LRRTM4: variants seen among roughly 807,000 people sequenced by gnomAD.
LRRTM4 encodes leucine-rich repeat transmembrane neuronal protein 4.
Under a neutral mutation model 47.6 loss-of-function variants are expected in LRRTM4, and 25 were observed. The ratio of observed to expected loss-of-function variants is 0.53; its 90% CI spans 0.38 to 0.73. LRRTM4 has a LOEUF of 0.73. Ranked by LOEUF, LRRTM4 falls within the 30% of genes least tolerant of loss-of-function variation. The pLI is 0.00. For synonymous variants in LRRTM4, 311 were observed against 269.5 expected, an observed-to-expected ratio of 1.15 and a Z score of -1.51; for missense variants, 638 against 713.4, an observed-to-expected ratio of 0.89 and a Z score of 1.20.
intron 3 of LRRTM4, among the ~76,000 whole-genome samples, chr2:77,369,583 T>C (rs568280307): frequency 6.6e-6 from 1 of 151,924 alleles, no homozygotes; most frequent in African/African-American, 2.4e-5. Flanking sequence ...AATAGATATG[T>C]TAATTTGTTC....
At chr2:77,281,900 G>A (rs948865383) in intron 3 of LRRTM4, among the ~76,000 whole-genome samples, 2 of 151,716 alleles carry the variant, frequency 1.3e-5, no homozygotes, top group Admixed American at 6.6e-5. Flanking sequence ...AAAATAAGAC[G>A]CAGGTGACAA....
At chr2:76,835,384 C>A (rs545577016) in intron 3 of LRRTM4, among the ~76,000 whole-genome samples, 14 of 152,098 alleles carry the variant, frequency 9.2e-5, no homozygotes, top group South Asian at 2.1e-4. Context: ...ACAAATACAA[C>A]TTTAGTTTAT....
chr2:76,772,793 T>C (rs1673768129), intron 3 of LRRTM4: 1 of 150,964 alleles, frequency 6.6e-6, no homozygotes, highest in South Asian at 2.1e-4. Flanking sequence ...GTTGTTATAG[T>C]TGTTTTATTT....
At chr2:77,028,419 C>T (rs1678528209) in intron 3 of LRRTM4, among the ~76,000 whole-genome samples, 1 of 152,144 alleles carries the variant, frequency 6.6e-6, no homozygotes, top group African/African-American at 2.4e-5. Context: ...ACTTCATTAA[C>T]ACACTTCTGG....
chr2:76,978,212 C>T (rs1676482146), intron 3 of LRRTM4, among the ~76,000 whole-genome samples: 1 of 152,006 alleles, frequency 6.6e-6, no homozygotes, highest in Non-Finnish European at 1.5e-5. Context: ...GACAGTTCAG[C>T]ATTATATGAC....
rs149739095 is a variant in LRRTM4 at position 77,139,590 on chromosome 2, C to G, written c.1551+378728G>C. Among the ~76,000 whole-genome samples, 1,102 of 152,276 alleles carry G rather than the reference C, an allele frequency of 7.2e-3. 11 individuals carry two copies. Among genetic ancestry groups the G allele is most frequent in the African/African-American group, 0.026 (1,060 of 41,554 alleles). Reference sequence around the variant, plus strand: ...CACAAGACAGGGATGCCCTCTCTCACTACTCCTATTCAACATAGTGTTGGA... The same window carrying G: ...CACAAGACAGGGATGCCCTCTCTCAGTACTCCTATTCAACATAGTGTTGGA... On this transcript the variant is annotated intron_variant, in intron 3 of 3. Coordinates refer to ENST00000409884, the MANE Select transcript of LRRTM4 (RefSeq NM_001134745.3).
chr2:76,756,630 T>C (rs1673039698), intron 3 of LRRTM4, among the ~76,000 whole-genome samples: 1 of 152,116 alleles, frequency 6.6e-6, no homozygotes, highest in Non-Finnish European at 1.5e-5. Flanking sequence ...CCTGTAGCAG[T>C]TTTTTCTTTC....
At chr2:77,317,357 A>AT (rs1420465175) in intron 3 of LRRTM4, among the ~76,000 whole-genome samples, 1 of 152,136 alleles carries the variant, frequency 6.6e-6, no homozygotes, top group African/African-American at 2.4e-5. Context: ...CTTTTAGGCC[A>AT]TTTTATCTCT....
intron 3 of LRRTM4, among the ~76,000 whole-genome samples, chr2:76,882,243 G>A (rs1031070958): frequency 1.7e-4 from 26 of 152,006 alleles, no homozygotes; most frequent in African/African-American, 4.3e-4. Context: ...TGTGGCTTAC[G>A]TATAAAGTAC....
intron 3 of LRRTM4, among the ~76,000 whole-genome samples, chr2:77,186,923 T>C (rs1673522543): frequency 6.6e-6 from 1 of 152,138 alleles, no homozygotes; most frequent in Non-Finnish European, 1.5e-5. Flanking sequence ...TTGGTGAAGA[T>C]AAGAAAAAAT....
Position 76,951,581 on chromosome 2 carries a change from C to T in LRRTM4, c.1552-202665G>A, listed in dbSNP as rs1239294028. Among the ~76,000 whole-genome samples the T allele has an allele frequency of 3.3e-5, 5 of 152,008 alleles. No individual in the cohort carries two copies. The East Asian group carries it at 5.8e-4, about 18-fold the overall frequency. On this transcript the variant is annotated intron_variant, in intron 3 of 3. Transcript: ENST00000409884. Reference sequence around the variant, plus strand: ...CTTAAAAATTTCAAGGTTTGTTTGACTATAAGAAATTGCTGCTCAAACCTT... The same window carrying T: ...CTTAAAAATTTCAAGGTTTGTTTGATTATAAGAAATTGCTGCTCAAACCTT...
intron 3 of LRRTM4, among the ~76,000 whole-genome samples, chr2:77,407,099 G>A (rs1674221095): frequency 6.6e-6 from 1 of 152,110 alleles, no homozygotes; most frequent in African/African-American, 2.4e-5. Flanking sequence ...CTTATAATTA[G>A]AAGTAAATCC....
chr2:77,275,181 T>C (rs1676310469), intron 3 of LRRTM4, among the ~76,000 whole-genome samples: 1 of 152,152 alleles, frequency 6.6e-6, no homozygotes, highest in East Asian at 1.9e-4. Flanking sequence ...AAAACTTCCA[T>C]AGCATTTCTC....
At chr2:77,503,598 G>A (rs1678654883) in intron 3 of LRRTM4, among the ~76,000 whole-genome samples, 1 of 151,532 alleles carries the variant, frequency 6.6e-6, no homozygotes, top group Non-Finnish European at 1.5e-5. Context: ...AGTGTATTCT[G>A]TGTGTGTAAA....
Position 76,864,897 on chromosome 2 carries a change from T to G in LRRTM4, c.1552-115981A>C, listed in dbSNP as rs1329321722. 6.4e-3 allele frequency among the ~76,000 whole-genome samples: 974 copies of G among 151,502 alleles called. 10 individuals carry two copies. Among genetic ancestry groups the G allele is most frequent in the African/African-American group, 0.023 (932 of 41,326 alleles). On this transcript the variant is annotated intron_variant, in intron 3 of 3. Transcript: ENST00000409884. ...GAATGCCACCACTTCAGCTGTTTTT[T>G]TTTTTTTTTTAATTTTTTTTATAGA...
intron 3 of LRRTM4, among the ~76,000 whole-genome samples, chr2:76,803,639 A>G (rs11126570): frequency 0.16 from 24,134 of 152,114 alleles, 2,051 homozygotes; most frequent in African/African-American, 0.2. Flanking sequence ...CTTTTTAAAG[A>G]GTAATTTTTT....
chr2:77,359,791 G>A (rs960864266), intron 3 of LRRTM4, among the ~76,000 whole-genome samples: 1 of 152,090 alleles, frequency 6.6e-6, no homozygotes, highest in Admixed American at 6.5e-5. Flanking sequence ...TAATGTTTTT[G>A]TGAATTAAGG....
chr2:77,054,112 T>C (rs1406766280), intron 3 of LRRTM4, among the ~76,000 whole-genome samples: 2 of 152,154 alleles, frequency 1.3e-5, no homozygotes, highest in African/African-American at 2.4e-5. Flanking sequence ...GTCCAAAACA[T>C]GGGGAAACCA....
At chr2:76,838,963 A>G (rs1366705336) in intron 3 of LRRTM4, among the ~76,000 whole-genome samples, 1 of 152,182 alleles carries the variant, frequency 6.6e-6, no homozygotes, top group African/African-American at 2.4e-5. Flanking sequence ...TTTACTAACA[A>G]TACTGGCAAT....
Sources: allele counts gnomAD v4.1 joint callset (sites outside exome capture counted in the v4.1 genomes callset), GRCh38; gene constraint gnomAD v4.1.1; transcripts MANE v1.5; gene names NCBI Gene and HGNC (gene_info 2026-07-23, HGNC 2026-07-21).